GFRAL: variants seen among roughly 807,000 people sequenced by gnomAD.
The protein encoded by GFRAL is GDNF family receptor alpha like, also known as GDNF family receptor alpha-like.
GFRAL carries 36 observed loss-of-function variants against 45.4 expected under a neutral mutation model. The ratio of observed to expected loss-of-function variants is 0.79; its 90% CI spans 0.61 to 1.05. The LOEUF (loss-of-function observed/expected upper bound fraction) is 1.05. Ranked by LOEUF, GFRAL falls within the 50% of genes least tolerant of loss-of-function variation. GFRAL has a pLI of 0.00. For missense variants in GFRAL, 507 were observed against 467.5 expected (o/e 1.08, Z -0.78); for synonymous variants, 166 against 154.1 (o/e 1.08, Z -0.57).
intron 1 of GFRAL, among the ~76,000 whole-genome samples, chr6:55,331,366 G>C (rs116054871): frequency 0.013 from 1,983 of 152,086 alleles, 23 homozygotes; most frequent in Non-Finnish European, 0.022. Flanking sequence ...CAACAAAATG[G>C]TCAATGGTGA....
chr6:55,400,790 A>G (rs1237996461), intron 8 of GFRAL, among the ~76,000 whole-genome samples: 1 of 152,198 alleles, frequency 6.6e-6, no homozygotes, highest in Non-Finnish European at 1.5e-5. Context: ...AGTTTACTTT[A>G]TTTGGTTTTA....
chr6:55,335,223 T>A (rs960510883), intron 3 of GFRAL, among the ~76,000 whole-genome samples: 2 of 152,194 alleles, frequency 1.3e-5, no homozygotes, highest in East Asian at 1.9e-4. Context: ...TTAATTATAA[T>A]GTTAAGCATA....
chr6:55,362,053 T>C (rs1243783188), intron 6 of GFRAL, among the ~76,000 whole-genome samples: 2 of 151,998 alleles, frequency 1.3e-5, no homozygotes, highest in Non-Finnish European at 2.9e-5. Flanking sequence ...TTTATTCTAT[T>C]GTTCCCCAAT....
intron 5 of GFRAL, among the ~76,000 whole-genome samples, 154 bp downstream of exon 5, chr6:55,351,737 G>A (rs1209557166): frequency 6.6e-6 from 1 of 152,008 alleles, no homozygotes; most frequent in Non-Finnish European, 1.5e-5. Context: ...TTTTGAATCT[G>A]TGGTACATAT....
At chr6:55,335,601 G>A (rs775415448) in intron 3 of GFRAL, among the ~76,000 whole-genome samples, 21 of 152,148 alleles carry the variant, frequency 1.4e-4, no homozygotes, top group Middle Eastern at 3.4e-3. Flanking sequence ...GTTACATTAT[G>A]AATTAATTTT....
rs549584283 is a variant in GFRAL at position 55,386,398 on chromosome 6, T to A, written c.953-12782T>A. ...ACTTTTGTCATCTACAAATCCAGTA[T>A]GTTGGTCATTATTTGCCACTTTGAC... is the stretch of plus-strand genomic sequence containing the variant. On this transcript the variant is annotated intron_variant, in intron 6 of 8. Coordinates refer to ENST00000340465, the MANE Select transcript of GFRAL (RefSeq NM_207410.2). 9.9e-5 allele frequency among the ~76,000 whole-genome samples: 15 copies of A among 152,278 alleles called. No homozygotes were observed. The South Asian group carries it at 3.1e-3, about 32-fold the overall frequency.
At chr6:55,396,721 A>C (rs1392721513) in intron 6 of GFRAL, among the ~76,000 whole-genome samples, 1 of 152,246 alleles carries the variant, frequency 6.6e-6, no homozygotes, top group East Asian at 1.9e-4. Context: ...ATTAAAAAAA[A>C]GTATTATTTA....
intron 6 of GFRAL, among the ~76,000 whole-genome samples, chr6:55,370,800 G>T (rs1239846523): frequency 6.6e-6 from 1 of 152,176 alleles, no homozygotes; most frequent in Admixed American, 6.5e-5. Flanking sequence ...TTAATGCTCT[G>T]CAGTCATTGT....
rs1768714107 is a variant in GFRAL, at chr6:55,388,962, A to C, written c.953-10218A>C. Among the ~76,000 whole-genome samples, 4 of 152,094 alleles carry C rather than the reference A, an allele frequency of 2.6e-5. No homozygotes were observed. The South Asian group carries it at 8.3e-4, about 32-fold the overall frequency. ...TTAAGTATTTCATTTCCACTAGCCC[A>C]TTATAATGTTGTTTATGATCTGATT... On this transcript the variant is annotated intron_variant, in intron 6 of 8. Transcript: ENST00000340465.
chr6:55,342,295 AG>A (rs1363072887), intron 3 of GFRAL, among the ~76,000 whole-genome samples: 2 of 152,240 alleles, frequency 1.3e-5, no homozygotes, highest in Non-Finnish European at 2.9e-5. Flanking sequence ...TTACCCACAA[AG>A]GGAGGCCCAG....
intron 5 of GFRAL, among the ~76,000 whole-genome samples, chr6:55,355,697 A>G (rs1768181213): frequency 6.6e-6 from 1 of 151,914 alleles, no homozygotes; most frequent in Admixed American, 6.6e-5. Context: ...TCTAATTTGG[A>G]TGCCCCCCTT....
intron 3 of GFRAL, among the ~76,000 whole-genome samples, chr6:55,340,961 C>T (rs1282769227): frequency 6.6e-6 from 1 of 152,216 alleles, no homozygotes; most frequent in Non-Finnish European, 1.5e-5. Flanking sequence ...TGCAAGGCAG[C>T]AGCGAGGCTG....
intron 1 of GFRAL, among the ~76,000 whole-genome samples, chr6:55,331,211 G>A (rs1302325873): frequency 2.6e-5 from 4 of 152,106 alleles, no homozygotes; most frequent in African/African-American, 9.7e-5. Context: ...TCTGAGAAGA[G>A]AACCTAAGCT....
intron 5 of GFRAL, among the ~76,000 whole-genome samples, chr6:55,356,669 CT>C (rs1581909972): frequency 6.6e-6 from 1 of 151,634 alleles, no homozygotes; most frequent in East Asian, 1.9e-4. Flanking sequence ...TTTTGTTAAT[CT>C]TTTGAATTTT....
At chr6:55,342,702 A>T (rs1329022140) in intron 3 of GFRAL, among the ~76,000 whole-genome samples, 2 of 152,130 alleles carry the variant, frequency 1.3e-5, no homozygotes, top group Non-Finnish European at 2.9e-5. Flanking sequence ...TAAATGGGCT[A>T]AATGCTCCAA....
intron 3 of GFRAL, among the ~76,000 whole-genome samples, chr6:55,341,733 G>A (rs1247763952): frequency 6.6e-6 from 1 of 152,078 alleles, no homozygotes; most frequent in Non-Finnish European, 1.5e-5. Context: ...CTGAGCTAAA[G>A]GAGGATGTTC....
intron 5 of GFRAL, among the ~76,000 whole-genome samples, chr6:55,356,298 G>C (rs1299996882): frequency 6.6e-6 from 1 of 151,862 alleles, no homozygotes; most frequent in Non-Finnish European, 1.5e-5. Context: ...ATTGGTATTA[G>C]TTCCTCTCTA....
chr6:55,397,868 C>T (rs1317245621), intron 6 of GFRAL, among the ~76,000 whole-genome samples: 3 of 151,952 alleles, frequency 2.0e-5, no homozygotes, highest in African/African-American at 7.3e-5. Context: ...TCAGTGGTCC[C>T]ATAAGATTAT....
In GFRAL at chr6:55,399,424, G is replaced by A; in HGVS notation, c.1104G>A (p.Leu368=). Residue 368 remains leucine (L), a synonymous_variant, in exon 8 of 9, where the codon TTG becomes TTA. Coordinates refer to ENST00000340465, the MANE Select transcript of GFRAL (RefSeq NM_207410.2). ...CMTVTCGILL[L]VMVKLRTSRI... ...CAGTCACCTGTGGAATCCTTCTGTT[G>A]GTTATGGTCAAGCTTAGGTAACTGA... 6.2e-7 allele frequency: 1 copy of A among 1,608,684 alleles called. No homozygotes were observed. Among genetic ancestry groups the A allele is most frequent in the Non-Finnish European group, 8.5e-7 (1 of 1,175,184 alleles).
Sources: gnomAD v4.1 joint callset for allele counts (sites outside exome capture counted in the v4.1 genomes callset) on GRCh38, gnomAD v4.1.1 for gene constraint, MANE v1.5 for transcripts, NCBI Gene and HGNC (gene_info 2026-07-23, HGNC 2026-07-21) for gene names.